CCDC146: variants seen among roughly 807,000 people sequenced by gnomAD.
CCDC146 encodes the protein coiled-coil domain containing 146.
A neutral mutation model predicts 119.3 loss-of-function variants in CCDC146; 92 were observed. That is an observed-to-expected ratio of 0.77 (90% confidence interval 0.65 to 0.92). CCDC146 has a LOEUF of 0.92. CCDC146 is among the 40% of genes least tolerant of loss of function. CCDC146 has a pLI of 0.00. For missense variants in CCDC146, 1,000 were observed against 1,103.0 expected, an observed-to-expected ratio of 0.91 and a Z score of 1.32; for synonymous variants, 372 against 371.8, an observed-to-expected ratio of 1.00 and a Z score of -0.01.
At chr7:77,209,079 T>C (rs2040820581) in intron 2 of CCDC146, among the ~76,000 whole-genome samples, 1 of 152,126 alleles carries the variant, frequency 6.6e-6, no homozygotes, top group Non-Finnish European at 1.5e-5. Context: ...AATTCTGCCA[T>C]CCCAACAGTT....
intron 2 of CCDC146, among the ~76,000 whole-genome samples, chr7:77,172,717 A>G (rs921591357): frequency 6.6e-6 from 1 of 152,208 alleles, no homozygotes; most frequent in Non-Finnish European, 1.5e-5. Context: ...GAATAACGTC[A>G]GATGTCTAAG....
intron 6 of CCDC146, among the ~76,000 whole-genome samples, chr7:77,257,490 G>T (rs1793202964): frequency 6.6e-6 from 1 of 152,142 alleles, no homozygotes; most frequent in South Asian, 2.1e-4. Context: ...AGCAGAGATG[G>T]ATTTAACAGG....
intron 2 of CCDC146, among the ~76,000 whole-genome samples, chr7:77,228,025 C>T (rs1792549361): frequency 6.6e-6 from 1 of 152,210 alleles, no homozygotes; most frequent in Non-Finnish European, 1.5e-5. Context: ...CACTTTGTGT[C>T]TTCCCTGTAC....
intron 2 of CCDC146, among the ~76,000 whole-genome samples, chr7:77,174,768 CTATTT>C (rs1791477748): frequency 6.6e-6 from 1 of 152,164 alleles, no homozygotes; most frequent in South Asian, 2.1e-4. Context: ...TTGATCCATT[CTATTT>C]TGTTTATAAA....
At chr7:77,200,142 C>T (rs1213791790) in intron 2 of CCDC146, among the ~76,000 whole-genome samples, 1 of 152,178 alleles carries the variant, frequency 6.6e-6, no homozygotes, top group African/African-American at 2.4e-5. Context: ...CGTAACTTCA[C>T]TGGAAAAACA....
At chr7:77,271,494 T>C (rs59174446) in intron 9 of CCDC146, among the ~76,000 whole-genome samples, 1,561 of 136,582 alleles carry the variant, frequency 0.011, 76 homozygotes, top group African/African-American at 0.04. Context: ...TATATATATA[T>C]ACACACACAC....
rs565950143 is a variant in CCDC146, at chr7:77,128,153, A to G, written c.-12+5421A>G. ...GAGGTTGCTGTTTCTCTTTTGCTAC[A>G]TAAACAAACTCTGTTTCATGGTGGT... On this transcript the variant is annotated intron_variant, in intron 1 of 18. Transcript: ENST00000285871. Among the ~76,000 whole-genome samples, 140 of 152,172 alleles carry G rather than the reference A, an allele frequency of 9.2e-4. 2 individuals carry two copies. The highest frequency in any genetic ancestry group is 3.3e-3 in the African/African-American group (136 of 41,454).
At chr7:77,265,136 C>A (rs1040465893) in intron 9 of CCDC146, among the ~76,000 whole-genome samples, 3 of 152,202 alleles carry the variant, frequency 2.0e-5, no homozygotes, top group Non-Finnish European at 2.9e-5. Flanking sequence ...GAACTTTGGG[C>A]AAACACAGAC....
intron 2 of CCDC146, among the ~76,000 whole-genome samples, chr7:77,216,571 C>A (rs1478208959): frequency 6.6e-6 from 1 of 152,066 alleles, no homozygotes; most frequent in Admixed American, 6.6e-5. Context: ...TCCATCTCAC[C>A]AGAAGGAAGA....
chr7:77,126,960 C>T (rs567865607), intron 1 of CCDC146, among the ~76,000 whole-genome samples: 1 of 152,198 alleles, frequency 6.6e-6, no homozygotes, highest in African/African-American at 2.4e-5. Flanking sequence ...GTCTGCCTCC[C>T]GCTGCCATTC....
chr7:77,134,645 G>C (rs1262395990), intron 1 of CCDC146, among the ~76,000 whole-genome samples: 2 of 149,054 alleles, frequency 1.3e-5, no homozygotes, highest in African/African-American at 5.0e-5. Flanking sequence ...GTTTTCTCTG[G>C]GTACTCTGGT....
intron 1 of CCDC146, among the ~76,000 whole-genome samples, chr7:77,148,150 G>T (rs1245583927): frequency 6.6e-6 from 1 of 152,194 alleles, no homozygotes; most frequent in African/African-American, 2.4e-5. Flanking sequence ...CTTGCAGTTT[G>T]ATCTCAGACT....
intron 2 of CCDC146, among the ~76,000 whole-genome samples, chr7:77,230,511 T>C (rs992030744): frequency 1.3e-5 from 2 of 151,962 alleles, no homozygotes; most frequent in African/African-American, 4.8e-5. Context: ...TGTGTGTGTG[T>C]GTGTGTGTCT....
chr7:77,141,116 G>T (rs928797284), intron 1 of CCDC146, among the ~76,000 whole-genome samples: 11 of 151,994 alleles, frequency 7.2e-5, no homozygotes, highest in Non-Finnish European at 1.6e-4. Flanking sequence ...TCCCCTCCCT[G>T]TGTCCCTGTG....
At chr7:77,155,366 T>C in intron 1 of CCDC146, among the ~76,000 whole-genome samples, 1 of 152,044 alleles carries the variant, frequency 6.6e-6, no homozygotes, top group South Asian at 2.1e-4. Context: ...CTGTGTTGGC[T>C]TGCTTTTTCT....
intron 17 of CCDC146, among the ~76,000 whole-genome samples, chr7:77,290,160 A>G (rs1293265527): frequency 6.7e-6 from 1 of 148,594 alleles, no homozygotes; most frequent in African/African-American, 2.5e-5. Context: ...CAAACACTGC[A>G]TGTTCTCACT....
chr7:77,252,508 G>C (rs966142973), intron 4 of CCDC146, among the ~76,000 whole-genome samples: 6 of 152,120 alleles, frequency 3.9e-5, no homozygotes, highest in African/African-American at 1.4e-4. Context: ...CCAAAAGAAG[G>C]AATAGAAAAA....
At chr7:77,187,184 T>G (rs183018151) in intron 2 of CCDC146, among the ~76,000 whole-genome samples, 1 of 152,276 alleles carries the variant, frequency 6.6e-6, no homozygotes, top group African/African-American at 2.4e-5. Flanking sequence ...ATAAATGAAC[T>G]TATATAGTTT....
chr7:77,147,899 A>G (rs1324895484), intron 1 of CCDC146, among the ~76,000 whole-genome samples: 1 of 152,220 alleles, frequency 6.6e-6, no homozygotes, highest in Non-Finnish European at 1.5e-5. Context: ...CTCAGATCTC[A>G]AACTCCATGC....
Sources: allele counts gnomAD v4.1 joint callset (sites outside exome capture counted in the v4.1 genomes callset), GRCh38; gene constraint gnomAD v4.1.1; transcripts MANE v1.5; gene names NCBI Gene and HGNC (gene_info 2026-07-23, HGNC 2026-07-21).